TCEAL1: variants seen among roughly 807,000 people sequenced by gnomAD.
The protein encoded by TCEAL1 is transcription elongation factor A like 1.
For missense variants in TCEAL1, 82 were observed against 125.9 expected (o/e 0.65, Z 1.67); for synonymous variants, 48 against 46.0 (o/e 1.04, Z -0.17).
chrX:103,629,127 C>T (rs1208101114), intron 1 of TCEAL1, 102 bp downstream of exon 1: 3 of 112,328 alleles, frequency 2.7e-5, no homozygotes, highest in Non-Finnish European at 5.6e-5. Context: ...CCAGGCCTTT[C>T]CCTAAGCTCC....
Position 103,630,100 on chromosome X carries a change from C to G in TCEAL1, c.184C>G (p.Leu62Val). The G allele has an allele frequency of 2.5e-6, 3 of 1,210,714 alleles. No homozygotes were observed. Among genetic ancestry groups the G allele is most frequent in the Non-Finnish European group, 3.4e-6 (3 of 895,030 alleles). Residue 62 changes from leucine to valine, a missense_variant, in exon 3 of 3, where the codon CTC becomes GTC. Transcript: ENST00000372625. ...CTTGCCTGAGCTCCTGCCTGAGATG[C>G]TCCTCTCGGAGGAGCGCCCTCCGCA... ...ELLPELLPEM[L>V]LSEERPPQEG...
chrX:103,629,850 A>G (rs1414332444), intron 2 of TCEAL1, 35 bp from the exon 3 acceptor site: 6 of 1,089,383 alleles, frequency 5.5e-6, no homozygotes, highest in East Asian at 3.3e-5. Context: ...GCCGCTTAGT[A>G]TTCTGACTCT....
Position 103,630,388 on chromosome X carries a change from C to T in TCEAL1, c.472C>T (p.Pro158Ser). Reference protein sequence around the residue: ...HWKAKRSRPYPI With the variant: ...HWKAKRSRPYSI Reference sequence around the variant, plus strand: ...GAAGGCAAAACGGAGCCGTCCTTATCCTATTTAATGTGTTCGGCCTTTAAT... The same window carrying T: ...GAAGGCAAAACGGAGCCGTCCTTATTCTATTTAATGTGTTCGGCCTTTAAT... Residue 158 changes from proline (P) to serine (S), a missense_variant, in exon 3 of 3, where the codon CCT becomes TCT. By Grantham distance (74) the Pro-to-Ser change is moderately conservative. Coordinates refer to ENST00000372625, the MANE Select transcript of TCEAL1 (RefSeq NM_004780.3). 8.4e-7 allele frequency: 1 copy of T among 1,196,950 alleles called. No homozygotes were observed. The highest frequency in any genetic ancestry group is 1.1e-6 in the Non-Finnish European group (1 of 887,928).
At chrX:103,629,445 C>T (rs1299541771) in intron 1 of TCEAL1, 49 bp from the exon 2 acceptor site, 1 of 112,880 alleles carries the variant, frequency 8.9e-6, no homozygotes, top group African/African-American at 3.3e-5. Context: ...GTCAGTCCGT[C>T]CCTCCTCCCC....
Position 103,630,166 on chromosome X carries a change from C to T in TCEAL1, c.250C>T (p.Pro84Ser), listed in dbSNP as rs1030471650. The T allele has an allele frequency of 5.0e-6, 6 of 1,209,999 alleles. No homozygotes were observed. The highest frequency in any genetic ancestry group is 2.2e-5 in the Admixed American group (1 of 45,931). ...SRKDLFEGRP[P>S]MEQPPCGVGK... ...GAAGGACCTGTTTGAGGGGCGCCCT[C>T]CCATGGAGCAGCCTCCTTGTGGAGT... The change falls in exon 3 of 3, where the codon CCC becomes TCC. Residue 84 changes from proline to serine, a missense_variant. Coordinates refer to ENST00000372625, the MANE Select transcript of TCEAL1 (RefSeq NM_004780.3).
chrX:103,630,411 A>G lies in TCEAL1; in HGVS notation c.*15A>G. The G allele has an allele frequency of 8.7e-7, 1 of 1,155,653 alleles. No homozygotes were observed. Among genetic ancestry groups the G allele is most frequent in the Non-Finnish European group, 1.2e-6 (1 of 867,432 alleles). ...ATCCTATTTAATGTGTTCGGCCTTT[A>G]ATTCTGTTTTGCCTGCTAATAGTAT... On this transcript the variant is annotated 3_prime_UTR_variant, in exon 3 of 3. Transcript: ENST00000372625.
At chrX:103,629,117 C>G (rs941425544) in intron 1 of TCEAL1, 92 bp downstream of exon 1, 3 of 112,245 alleles carry the variant, frequency 2.7e-5, no homozygotes, top group African/African-American at 9.7e-5. Flanking sequence ...ATGGCGGAGT[C>G]CAGGCCTTTC....
Position 103,630,585 on chromosome X carries a change from T to C in TCEAL1, c.*189T>C. 2.1e-6 allele frequency: 1 copy of C among 466,385 alleles called. No homozygotes were observed. Among genetic ancestry groups the C allele is most frequent in the Admixed American group, 5.0e-5 (1 of 20,111 alleles). 38.4% of individuals were successfully genotyped at this position (466,385 alleles called of 1,213,427 possible). On this transcript the variant is annotated 3_prime_UTR_variant, in exon 3 of 3. Transcript: ENST00000372625. ...TCCCCCTAAAATCTACAAGTTTCCC[T>C]CTTTCAGTCATGAGCCCTACACATT... is the stretch of plus-strand genomic sequence containing the variant.
chrX:103,629,950 C>A lies in TCEAL1; in HGVS notation c.34C>A (p.Pro12Thr), dbSNP rs374247678. The change falls in exon 3 of 3, where the codon CCG becomes ACG. Residue 12 changes from proline (P) to threonine (T), a missense_variant. Transcript: ENST00000372625. ...ACCACGCAAAGAAAATGAAGAAGAG[C>A]CGCAGAGCGCGCCCAAGACCGATGA... The part of the protein sequence containing the change: ...DKPRKENEEE[P>T]QSAPKTDEER... The A allele has an allele frequency of 8.7e-7, 1 of 1,151,057 alleles. No individual in the cohort carries two copies. The highest frequency in any genetic ancestry group is 1.2e-6 in the Non-Finnish European group (1 of 867,078). The allele number at this position is 1,151,057 out of a possible 1,213,427, so 94.9% of individuals were successfully genotyped here. A position where few individuals can be genotyped will look rare whatever the true frequency, so the allele number is the denominator to read the frequency against.
At position 103,630,594 on chromosome X, in the gene TCEAL1, C is replaced by A; in HGVS notation, c.*198C>A. ...AATCTACAAGTTTCCCTCTTTCAGT[C>A]ATGAGCCCTACACATTTGCATGAAA... is the stretch of plus-strand genomic sequence containing the variant. On this transcript the variant is annotated 3_prime_UTR_variant, in exon 3 of 3. Transcript: ENST00000372625. 2.3e-6 allele frequency: 1 copy of A among 439,854 alleles called. No homozygotes were observed. The highest frequency in any genetic ancestry group is 3.8e-6 in the Non-Finnish European group (1 of 264,267). The allele number at this position is 439,854 out of a possible 1,213,427, so 36.2% of individuals were successfully genotyped here.
Position 103,630,539 on chromosome X carries a change from A to T in TCEAL1, c.*143A>T. The T allele has an allele frequency of 1.4e-6, 1 of 717,575 alleles. No individual in the cohort carries two copies. Among genetic ancestry groups the T allele is most frequent in the Middle Eastern group, 4.9e-4 (1 of 2,044 alleles). 59.1% of individuals were successfully genotyped at this position (717,575 alleles called of 1,213,427 possible). On this transcript the variant is annotated 3_prime_UTR_variant, in exon 3 of 3. Coordinates refer to ENST00000372625, the MANE Select transcript of TCEAL1 (RefSeq NM_004780.3). ...GCTTTATTTTAGATGTTTAGCATGT[A>T]ACTCGCTTAAAGTTGAGGTTTCCCC...
chrX:103,629,861 A>G, intron 2 of TCEAL1, 24 bp from the exon 3 acceptor site: 1 of 1,099,480 alleles, frequency 9.1e-7, no homozygotes, highest in Non-Finnish European at 1.2e-6. Flanking sequence ...TTCTGACTCT[A>G]TTCTGCCTTT....
chrX:103,628,914 T>C (rs1264626395), upstream of TCEAL1: 4 of 112,088 alleles, frequency 3.6e-5, no homozygotes, highest in African/African-American at 1.3e-4. Context: ...GTGACGCGCG[T>C]CCCTCACGTG....
chrX:103,630,267 A>C lies in TCEAL1; in HGVS notation c.351A>C (p.Ile117=). 8.2e-7 allele frequency: 1 copy of C among 1,212,248 alleles called. No individual in the cohort carries two copies. Among genetic ancestry groups the C allele is most frequent in the Non-Finnish European group, 1.1e-6 (1 of 895,630 alleles). The part of the protein sequence containing the change: ...ARSRPQFRGD[I]HGRNLSNEEM... ...CTCGCCCGCAATTTAGAGGGGACAT[A>C]CATGGCAGAAATTTAAGCAATGAGG... The change falls in exon 3 of 3, where the codon ATA becomes ATC. Residue 117 remains isoleucine, a synonymous_variant. Transcript: ENST00000372625.
In TCEAL1 at chrX:103,630,581, TCCC is replaced by T; in HGVS notation, c.*186_*188del. 2.0e-6 allele frequency: 1 copy of T among 492,609 alleles called. No homozygotes were observed. The highest frequency in any genetic ancestry group is 3.3e-6 in the Non-Finnish European group (1 of 306,590). 40.6% of individuals were successfully genotyped at this position (492,609 alleles called of 1,213,427 possible). ...GGTTTCCCCCTAAAATCTACAAGTT[TCCC>T]TCTTTCAGTCATGAGCCCTACACAT... On this transcript the variant is annotated 3_prime_UTR_variant, in exon 3 of 3. Coordinates refer to ENST00000372625, the MANE Select transcript of TCEAL1 (RefSeq NM_004780.3).
intron 2 of TCEAL1, 24 bp from the exon 3 acceptor site, chrX:103,629,859 CTA>C: frequency 9.1e-7 from 1 of 1,096,933 alleles, no homozygotes; most frequent in Non-Finnish European, 1.2e-6. Flanking sequence ...TATTCTGACT[CTA>C]TTCTGCCTTT....
rs2073718773 is a variant in TCEAL1, at chrX:103,630,485, C to T, written c.*89C>T. 3.0e-6 allele frequency: 3 copies of T among 996,097 alleles called. No homozygotes were observed. Among genetic ancestry groups the T allele is most frequent in the Non-Finnish European group, 4.0e-6 (3 of 756,543 alleles). 82.1% of individuals were successfully genotyped at this position (996,097 alleles called of 1,213,427 possible). The stretch of plus-strand genomic sequence containing the variant: ...GTTTGCATTTTCTTAATGCCTTTTC[C>T]CATATTCTGAATTTTAACTTTTTGT... On this transcript the variant is annotated 3_prime_UTR_variant, in exon 3 of 3. Transcript: ENST00000372625.
chrX:103,629,750 G>A, intron 2 of TCEAL1, 135 bp from the exon 3 acceptor site: 3 of 538,460 alleles, frequency 5.6e-6, no homozygotes, highest in Non-Finnish European at 8.2e-6. Context: ...GGGAGAGCCG[G>A]AGAGCCTCTG....
At position 103,629,538 on chromosome X, in the gene TCEAL1, AGCACACG is replaced by A. The variant is rs2073711764; in HGVS notation, c.-65_-59del. The A allele has an allele frequency of 7.0e-6, 1 of 143,223 alleles. No homozygotes were observed. The highest frequency in any genetic ancestry group is 7.5e-5 in the Admixed American group (1 of 13,405). The allele number at this position is 143,223 out of a possible 1,213,427, so 11.8% of individuals were successfully genotyped here. A position where few individuals can be genotyped will look rare whatever the true frequency, so the allele number is the denominator to read the frequency against. On this transcript the variant is annotated 5_prime_UTR_variant, in exon 2 of 3. Transcript: ENST00000372625. Reference sequence around the variant, plus strand: ...GCACCTCGAGGAGAGGACGACTAGGAGCACACGGCCCGGAAAGGTCCAGGTCAGGGAA... The same window carrying A: ...GCACCTCGAGGAGAGGACGACTAGGAGCCCGGAAAGGTCCAGGTCAGGGAA...
Sources: allele counts gnomAD v4.1 joint callset, GRCh38; gene constraint gnomAD v4.1.1; transcripts MANE v1.5; gene names NCBI Gene and HGNC (gene_info 2026-07-23, HGNC 2026-07-21).